FNBP1L: variants seen among roughly 807,000 people sequenced by gnomAD.
The protein encoded by FNBP1L is formin-binding protein 1-like.
In FNBP1L, 36 loss-of-function variants were observed where a neutral mutation model predicts 91.2. The ratio of observed to expected loss-of-function variants is 0.39; its 90% CI spans 0.30 to 0.52. The LOEUF is 0.52. FNBP1L is among the 20% of genes least tolerant of loss of function. The pLI, the probability that FNBP1L is intolerant of heterozygous loss-of-function variation, is 0.66. For synonymous variants in FNBP1L, 242 were observed against 237.0 expected (o/e 1.02, Z -0.19); for missense variants, 571 against 732.1 (o/e 0.78, Z 2.54).
At chr1:93,482,508 A>C (rs1669745730) in intron 1 of FNBP1L, among the ~76,000 whole-genome samples, 1 of 152,182 alleles carries the variant, frequency 6.6e-6, no homozygotes, top group Admixed American at 6.5e-5. Context: ...GAGTAAAAAT[A>C]AGAATCGTTC....
intron 15 of FNBP1L, 114 bp downstream of exon 15, chr1:93,549,540 T>C (rs1255792950): frequency 1.2e-6 from 1 of 814,742 alleles, no homozygotes; most frequent in Non-Finnish European, 1.8e-6. Flanking sequence ...CAGAAAATTA[T>C]TATCCCATTT....
intron 1 of FNBP1L, among the ~76,000 whole-genome samples, chr1:93,472,052 G>A (rs1669306164): frequency 6.6e-6 from 1 of 152,132 alleles, no homozygotes; most frequent in African/African-American, 2.4e-5. Flanking sequence ...GAATTTAAAG[G>A]CAGTAACAAC....
intron 2 of FNBP1L, among the ~76,000 whole-genome samples, chr1:93,521,059 ACCAACC>A (rs1247856198): frequency 3.2e-4 from 49 of 151,140 alleles, no homozygotes; most frequent in Non-Finnish European, 5.0e-4. Flanking sequence ...CAACCAACCA[ACCAACC>A]AACCAACCAA....
intron 5 of FNBP1L, among the ~76,000 whole-genome samples, chr1:93,526,177 G>T (rs1477404614): frequency 6.6e-6 from 1 of 152,148 alleles, no homozygotes; most frequent in African/African-American, 2.4e-5. Flanking sequence ...TAAAGGAATG[G>T]TCAGAGATTA....
intron 1 of FNBP1L, among the ~76,000 whole-genome samples, chr1:93,493,375 A>G (rs778720932): frequency 7.9e-5 from 12 of 152,228 alleles, no homozygotes; most frequent in Non-Finnish European, 1.3e-4. Flanking sequence ...TGTGTAAAAT[A>G]CATAATGTAA....
chr1:93,499,569 T>C lies in FNBP1L; in HGVS notation c.126T>C (p.Tyr42=). 3.2e-6 allele frequency: 5 copies of C among 1,577,364 alleles called. No individual in the cohort carries two copies. Among genetic ancestry groups the C allele is most frequent in the South Asian group, 1.2e-5 (1 of 84,114 alleles). ...AGAGGATAGAAATTGAACAGAACTA[T>C]GCGAAACAATTGAGGTAAGTTAATT... ...VKERIEIEQN[Y]AKQLRNLVKK... The change falls in exon 2 of 17, where the codon TAT becomes TAC. Residue 42 remains tyrosine, a synonymous_variant. Transcript: ENST00000271234.
At chr1:93,538,613 A>T (rs557337266) in intron 10 of FNBP1L, among the ~76,000 whole-genome samples, 1 of 152,214 alleles carries the variant, frequency 6.6e-6, no homozygotes, top group South Asian at 2.1e-4. Context: ...ATTAACCTAT[A>T]GAGATTTTTT....
chr1:93,523,570 G>A, intron 4 of FNBP1L, 79 bp downstream of exon 4: 9 of 1,336,928 alleles, frequency 6.7e-6, no homozygotes, highest in Non-Finnish European at 9.1e-6. Flanking sequence ...TTTAAAATGT[G>A]TGTTCAGCAT....
chr1:93,456,898 T>G (rs1190531144), intron 1 of FNBP1L, among the ~76,000 whole-genome samples: 2 of 152,160 alleles, frequency 1.3e-5, no homozygotes, highest in Non-Finnish European at 2.9e-5. Flanking sequence ...TTCTTTCTTA[T>G]CTTTTTTGAG....
intron 3 of FNBP1L, 54 bp from the exon 4 acceptor site, chr1:93,523,290 A>G (rs1671391457): frequency 6.5e-7 from 1 of 1,533,138 alleles, no homozygotes; most frequent in Non-Finnish European, 8.8e-7. Flanking sequence ...TACCTCACCA[A>G]CATTTGTAAT....
chr1:93,528,283 G>A (rs1476102570), intron 5 of FNBP1L, among the ~76,000 whole-genome samples: 5 of 152,118 alleles, frequency 3.3e-5, no homozygotes, highest in African/African-American at 1.2e-4. Context: ...TTTGGAGAGA[G>A]AGAAGATTCT....
At chr1:93,530,917 G>C (rs942312927) in intron 7 of FNBP1L, 34 bp downstream of exon 7, 10 of 1,470,352 alleles carry the variant, frequency 6.8e-6, no homozygotes, top group Non-Finnish European at 9.2e-6. Context: ...TCTAGTTTTA[G>C]ATTAACTGGT....
chr1:93,510,827 A>T (rs1670808816), intron 2 of FNBP1L, among the ~76,000 whole-genome samples: 1 of 152,166 alleles, frequency 6.6e-6, no homozygotes, highest in African/African-American at 2.4e-5. Flanking sequence ...TCAGGAGCCG[A>T]TGGGATCAAC....
At chr1:93,522,176 T>C in intron 3 of FNBP1L, 41 bp downstream of exon 3, 21 of 989,804 alleles carry the variant, frequency 2.1e-5, no homozygotes, top group Non-Finnish European at 2.7e-5. Context: ...TTAAAAAATT[T>C]AAAAATACTT....
intron 11 of FNBP1L, among the ~76,000 whole-genome samples, chr1:93,542,780 T>C (rs1672093609): frequency 6.8e-6 from 1 of 148,098 alleles, no homozygotes; most frequent in South Asian, 2.1e-4. Flanking sequence ...CTTTACCTTT[T>C]TTTTTTTTTT....
chr1:93,513,288 A>G (rs1670932992), intron 2 of FNBP1L, among the ~76,000 whole-genome samples: 1 of 151,590 alleles, frequency 6.6e-6, no homozygotes, highest in African/African-American at 2.4e-5. Flanking sequence ...TAGCTTACCA[A>G]CCAAAAAGAG....
intron 2 of FNBP1L, among the ~76,000 whole-genome samples, chr1:93,518,523 T>C (rs552686219): frequency 2.0e-5 from 3 of 152,322 alleles, no homozygotes; most frequent in Non-Finnish European, 4.4e-5. Flanking sequence ...TGTAGGATGA[T>C]TGTCAAATTT....
At chr1:93,463,699 C>G (rs1174048301) in intron 1 of FNBP1L, among the ~76,000 whole-genome samples, 2 of 152,130 alleles carry the variant, frequency 1.3e-5, no homozygotes, top group Non-Finnish European at 2.9e-5. Flanking sequence ...TAACCCATAT[C>G]CCTGTGGGAA....
intron 1 of FNBP1L, among the ~76,000 whole-genome samples, chr1:93,455,460 A>G (rs1212668147): frequency 6.6e-6 from 1 of 152,332 alleles, no homozygotes; most frequent in East Asian, 1.9e-4. Context: ...AAGTACTGGG[A>G]TTACAGGCAT....
Sources: allele counts gnomAD v4.1 joint callset (sites outside exome capture counted in the v4.1 genomes callset), GRCh38; gene constraint gnomAD v4.1.1; transcripts MANE v1.5; gene names NCBI Gene and HGNC (gene_info 2026-07-23, HGNC 2026-07-21).